YIF1A: variants seen among roughly 807,000 people sequenced by gnomAD.
YIF1A encodes the protein Yip1 interacting factor homolog A, membrane trafficking protein, also known as protein YIF1A.
YIF1A carries 28 observed loss-of-function variants against 32.6 expected under a neutral mutation model. The observed-to-expected ratio is 0.86, with a 90% CI of 0.64 to 1.18. The LOEUF is 1.18. Among genes scored for constraint, YIF1A ranks in the 50% most tolerant of loss-of-function variants. YIF1A has a pLI of 0.00. For missense variants in YIF1A, 373 were observed against 390.8 expected (o/e 0.95, Z 0.38); for synonymous variants, 175 against 162.2 (o/e 1.08, Z -0.60).
rs755497991 is a variant in YIF1A, at chr11:66,287,722, G to A, written c.349-46C>T. 1.4e-5 allele frequency: 23 copies of A among 1,610,338 alleles called. No homozygotes were observed. The African/African-American group carries it at 1.7e-4, about 12-fold the overall frequency. The stretch of plus-strand genomic sequence containing the variant: ...AGCGGCCACATCAGGAGGGGAAGAA[G>A]AGAAAAGAGGAGAGAAGGGGGTTGA... On this transcript the variant is annotated intron_variant, in intron 3 of 7. Transcript: ENST00000376901.
chr11:66,285,161 C>A, intron 6 of YIF1A, 195 bp from the exon 7 acceptor site: 2 of 878,282 alleles, frequency 2.3e-6, no homozygotes, highest in African/African-American at 1.7e-5. Context: ...GGATCTGAGA[C>A]CCCCTTCTCT....
At chr11:66,285,220 G>T in intron 6 of YIF1A, 161 bp downstream of exon 6, 3 of 1,147,000 alleles carry the variant, frequency 2.6e-6, no homozygotes, top group Non-Finnish European at 3.7e-6. Context: ...CCTCTGCATG[G>T]CACGCAGATC....
rs538197086 is a variant in YIF1A, at chr11:66,288,917, C to G, written c.31+38G>C. On this transcript the variant is annotated intron_variant, in intron 1 of 7. Coordinates refer to ENST00000376901, the MANE Select transcript of YIF1A (RefSeq NM_020470.3). ...GCGGGCCACGCCGCCGACTCTCCCCCCGCCGGCCGCGCCGCGCCCCGCCCG... is the reference window on the plus strand; with the variant it reads ...GCGGGCCACGCCGCCGACTCTCCCCGCGCCGGCCGCGCCGCGCCCCGCCCG... The G allele has an allele frequency of 6.4e-4, 928 of 1,460,618 alleles. 4 individuals are homozygous for G. Among genetic ancestry groups the G allele is most frequent in the East Asian group, 1.8e-3 (65 of 35,818 alleles). The allele number at this position is 1,460,618 out of a possible 1,614,324, so 90.5% of individuals were successfully genotyped here.
chr11:66,288,398 G>T, intron 1 of YIF1A, 106 bp from the exon 2 acceptor site: 5 of 1,341,920 alleles, frequency 3.7e-6, no homozygotes, highest in Non-Finnish European at 5.2e-6. Context: ...TGGAGGCACC[G>T]ATCAGTGAGG....
At position 66,288,210 on chromosome 11, in the gene YIF1A, C is replaced by T; in HGVS notation, c.114G>A (p.Gly38=). The T allele has an allele frequency of 1.2e-6, 2 of 1,614,096 alleles. No homozygotes were observed. Among genetic ancestry groups the T allele is most frequent in the Non-Finnish European group, 1.7e-6 (2 of 1,180,030 alleles). The change falls in exon 2 of 8, where the codon GGG becomes GGA. Residue 38 remains glycine, a synonymous_variant. Coordinates refer to ENST00000376901, the MANE Select transcript of YIF1A (RefSeq NM_020470.3). ...CGTCTGCTCCTGTGGCTGGGTATCC[C>T]CCGGGCTGGCTGGAATAACCACCGC... The part of the protein sequence containing the change: ...DTSGGYSSQP[G]GYPATGADVA...
At chr11:66,287,395 G>C in intron 4 of YIF1A, 1 of 618,878 alleles carries the variant, frequency 1.6e-6, no homozygotes, top group East Asian at 2.8e-5. Flanking sequence ...GGGTGTCCTG[G>C]GGACACTGAA....
intron 6 of YIF1A, 86 bp from the exon 7 acceptor site, chr11:66,285,052 A>G: frequency 1.5e-6 from 2 of 1,353,142 alleles, no homozygotes; most frequent in African/African-American, 1.4e-5. Flanking sequence ...GAGCCCAGCT[A>G]GACCCCACCT....
Position 66,287,680 on chromosome 11 carries a change from G to A in YIF1A, c.349-4C>T, listed in dbSNP as rs1234494015. On this transcript the variant is annotated splice_polypyrimidine_tract_variant and splice_region_variant and intron_variant, in intron 3 of 7. Coordinates refer to ENST00000376901, the MANE Select transcript of YIF1A (RefSeq NM_020470.3). ...GACTGTACTGCACTTCCCAGTTCTG[G>A]CAGTGGCAGTGGCAGCAGCGGCCAC... is the stretch of plus-strand genomic sequence containing the variant. The A allele has an allele frequency of 1.9e-6, 3 of 1,611,870 alleles. No individual in the cohort carries two copies. Among genetic ancestry groups the A allele is most frequent in the Non-Finnish European group, 2.5e-6 (3 of 1,178,886 alleles).
intron 4 of YIF1A, among the ~76,000 whole-genome samples, chr11:66,286,780 T>C (rs1406734922): frequency 6.6e-6 from 1 of 152,242 alleles, no homozygotes; most frequent in Non-Finnish European, 1.5e-5. Context: ...AAAATGGGGA[T>C]GCCAGTTCCA....
rs550385519 is a variant in YIF1A at position 66,284,770 on chromosome 11, C to G, written c.749G>C (p.Arg250Pro). 6.2e-7 allele frequency: 1 copy of G among 1,611,394 alleles called. No homozygotes were observed. The highest frequency in any genetic ancestry group is 1.3e-5 in the African/African-American group (1 of 74,830). ...GCTGTCGGGGCCCAGGGCTGCTGTC[C>G]GCAAAGAGCGCACCTGGAAGAAAGG... ...ALMYFIVRSL[R>P]TAALGPDSMG... Residue 250 changes from arginine (R) to proline (P), a missense_variant, in exon 8 of 8, where the codon CGG (arginine) becomes CCG (proline). Arg to Pro is a moderately radical substitution (Grantham distance 103). Transcript: ENST00000376901.
chr11:66,287,188 G>A, intron 4 of YIF1A: 1 of 191,586 alleles, frequency 5.2e-6, no homozygotes, highest in Non-Finnish European at 1.1e-5. Flanking sequence ...TGCCAGGTGA[G>A]GTGCTGAGCA....
At position 66,288,153 on chromosome 11, in the gene YIF1A, G is replaced by A. The variant is rs769150889; in HGVS notation, c.171C>T (p.Asp57=). Residue 57 remains aspartate, a synonymous_variant, in exon 2 of 8, where the codon GAC becomes GAT. Coordinates refer to ENST00000376901, the MANE Select transcript of YIF1A (RefSeq NM_020470.3). The part of the protein sequence containing the change: ...VAFSVNHLLG[D]PMANVAMAYG... ...AGGCCATAGCCACATTGGCCATTGG[G>A]TCCCCAAGCAAGTGGTTGACACTGA... is the stretch of plus-strand genomic sequence containing the variant. The A allele has an allele frequency of 1.9e-6, 3 of 1,614,166 alleles. No individual in the cohort carries two copies. Among genetic ancestry groups the A allele is most frequent in the Non-Finnish European group, 2.5e-6 (3 of 1,180,036 alleles).
Position 66,288,966 on chromosome 11 carries a change from T to C in YIF1A, c.20A>G (p.Tyr7Cys). Residue 7 changes from tyrosine to cysteine, a missense_variant, in exon 1 of 8, where the codon TAC becomes TGC. Tyr to Cys is a radical substitution (Grantham distance 194, BLOSUM62 -2). Coordinates refer to ENST00000376901, the MANE Select transcript of YIF1A (RefSeq NM_020470.3). Reference protein sequence around the residue: MAYHSGYGAHGSKHRAR... With the variant: MAYHSGCGAHGSKHRAR... The stretch of plus-strand genomic sequence containing the variant: ...CGCGCCCCACGCACCGTGGGCTCCG[T>C]AGCCCGAGTGATAAGCCATGGCCGC... 1 of 1,569,658 alleles carries C rather than the reference T, an allele frequency of 6.4e-7. No homozygotes were observed. The highest frequency in any genetic ancestry group is 8.6e-7 in the Non-Finnish European group (1 of 1,166,472).
intron 1 of YIF1A, 67 bp downstream of exon 1, chr11:66,288,888 G>T (rs1464646529): frequency 1.4e-6 from 2 of 1,425,824 alleles, no homozygotes; most frequent in East Asian, 2.8e-5. Context: ...CTCCCTCGGG[G>T]TGAGCGGGCC....
intron 6 of YIF1A, 99 bp downstream of exon 6, chr11:66,285,282 G>A (rs949967930): frequency 1.4e-5 from 21 of 1,516,408 alleles, no homozygotes; most frequent in Non-Finnish European, 1.9e-5. Context: ...CAGTGCTAGA[G>A]GTCACTAGGG....
At chr11:66,285,958 G>C (rs1307126824) in intron 4 of YIF1A, among the ~76,000 whole-genome samples, 200 bp from the exon 5 acceptor site, 1 of 152,248 alleles carries the variant, frequency 6.6e-6, no homozygotes, top group African/African-American at 2.4e-5. Flanking sequence ...AATGCCACCT[G>C]ACCCTTCTTC....
chr11:66,285,058 C>A, intron 6 of YIF1A, 92 bp from the exon 7 acceptor site: 1 of 1,282,260 alleles, frequency 7.8e-7, no homozygotes, highest in Non-Finnish European at 1.1e-6. Context: ...AGCTAGACCC[C>A]ACCTCCCACA....
In YIF1A at chr11:66,284,728, G is replaced by A. The variant is rs777551778; in HGVS notation, c.791C>T (p.Pro264Leu). ...CAGGTAGAGCTGGAGACGCTGCCGG[G>A]GGACGGGGCCCCCCATGCTGTCGGG... ...LGPDSMGGPV[P>L]RQRLQLYLTL... Residue 264 changes from proline (P) to leucine (L), a missense_variant, in exon 8 of 8, where the codon CCC becomes CTC. Pro to Leu is a moderately conservative substitution (Grantham distance 98, BLOSUM62 -3). Coordinates refer to ENST00000376901, the MANE Select transcript of YIF1A (RefSeq NM_020470.3). 17 of 1,612,228 alleles carry A rather than the reference G, an allele frequency of 1.1e-5. No homozygotes were observed. The South Asian group carries it at 1.3e-4, about 12-fold the overall frequency.
rs1484219546 is a variant in YIF1A, at chr11:66,287,595, C to T, written c.427+3G>A. 3 of 1,608,370 alleles carry T rather than the reference C, an allele frequency of 1.9e-6. No homozygotes were observed. Among genetic ancestry groups the T allele is most frequent in the African/African-American group, 2.7e-5 (2 of 74,776 alleles). ...CGTTCCCCAGCCCAGGTTGGAGACT[C>T]ACTGGGGATATAGAGGTCAGGGGCG... On this transcript the variant is annotated splice_donor_region_variant and intron_variant, in intron 4 of 7. Transcript: ENST00000376901.
Sources: allele counts gnomAD v4.1 joint callset (sites outside exome capture counted in the v4.1 genomes callset), GRCh38; gene constraint gnomAD v4.1.1; transcripts MANE v1.5; gene names NCBI Gene and HGNC (gene_info 2026-07-23, HGNC 2026-07-21).